The following SYT1 variants were observed in gnomAD, a reference collection of about 807,000 sequenced individuals.
SYT1 encodes the protein synaptotagmin-1.
Under a neutral mutation model 44.8 loss-of-function variants are expected in SYT1, and 8 were observed. The observed-to-expected ratio is 0.18, with a 90% CI of 0.10 to 0.32. The LOEUF (loss-of-function observed/expected upper bound fraction) is 0.32. Among genes scored for constraint, SYT1 ranks in the 10% least tolerant of loss-of-function variants. The pLI is 1.00. For synonymous variants in SYT1, 154 were observed against 188.8 expected (o/e 0.82, Z 1.51); for missense variants, 286 against 509.3 (o/e 0.56, Z 4.22).
chr12:78,999,506 C>A (rs1260200663), intron 2 of SYT1, among the ~76,000 whole-genome samples: 1 of 152,156 alleles, frequency 6.6e-6, no homozygotes, highest in South Asian at 2.1e-4. Context: ...ATTTATATCA[C>A]CTTTCCTTTT....
At chr12:78,973,496 A>G (rs1053835287) in intron 1 of SYT1, among the ~76,000 whole-genome samples, 9 of 152,266 alleles carry the variant, frequency 5.9e-5, no homozygotes, top group Non-Finnish European at 1.2e-4. Context: ...CAAGCCCATT[A>G]CTGGGTATAT....
At chr12:79,403,756 T>C (rs1885150199) in intron 9 of SYT1, among the ~76,000 whole-genome samples, 6 of 152,074 alleles carry the variant, frequency 3.9e-5, no homozygotes, top group Admixed American at 3.9e-4. Context: ...CCCAGAAGTA[T>C]CAGTATCATG....
chr12:79,450,230 A>ATTAC lies in SYT1; in HGVS notation c.*1109_*1112dup, dbSNP rs1262441199. On this transcript the variant is annotated 3_prime_UTR_variant, in exon 11 of 11. Transcript: ENST00000261205. ...CAACAATCTGTGCTTATTACACAAA[A>ATTAC]TTACTTTGTGGTAAACAGACAGTAT... 2.6e-5 allele frequency: 4 copies of ATTAC among 152,636 alleles called. No homozygotes were observed. Among genetic ancestry groups the ATTAC allele is most frequent in the African/African-American group, 9.7e-5 (4 of 41,450 alleles). The allele number at this position is 152,636 out of a possible 1,614,324, so 9.5% of individuals were successfully genotyped here.
At chr12:79,048,656 T>A (rs1174706277) in intron 3 of SYT1, among the ~76,000 whole-genome samples, 5 of 151,932 alleles carry the variant, frequency 3.3e-5, no homozygotes, top group Non-Finnish European at 7.4e-5. Flanking sequence ...CTCTTTGATT[T>A]AAAAAATTAA....
chr12:79,076,253 G>GTA (rs1400679487), intron 3 of SYT1, among the ~76,000 whole-genome samples: 1 of 152,026 alleles, frequency 6.6e-6, no homozygotes, highest in Non-Finnish European at 1.5e-5. Flanking sequence ...TTTTCTCTGG[G>GTA]TATAGCGAGG....
At position 79,004,998 on chromosome 12, in the gene SYT1, G is replaced by A. The variant is rs1592653071; in HGVS notation, c.-84+27067G>A. Among the ~76,000 whole-genome samples, 8 of 152,046 alleles carry A rather than the reference G, an allele frequency of 5.3e-5. No individual in the cohort carries two copies. The South Asian group carries it at 1.7e-3, about 32-fold the overall frequency. On this transcript the variant is annotated intron_variant, in intron 2 of 10. Transcript: ENST00000261205. ...TATGAAACCCCAGGGTTTCATAGAA[G>A]GTAACTTGAAAACCATAATAGATAG...
chr12:78,912,936 A>G (rs969550508), intron 1 of SYT1, among the ~76,000 whole-genome samples: 1 of 151,860 alleles, frequency 6.6e-6, no homozygotes, highest in African/African-American at 2.4e-5. Context: ...CATCTATTAG[A>G]TTTATTTACA....
intron 8 of SYT1, among the ~76,000 whole-genome samples, chr12:79,352,761 C>G (rs1452517368): frequency 1.3e-5 from 2 of 152,074 alleles, no homozygotes; most frequent in Non-Finnish European, 2.9e-5. Context: ...TTCAAAAATG[C>G]CTGAGTACAG....
In SYT1 at chr12:79,299,400, TG is replaced by T. The variant is rs750940231; in HGVS notation, c.662del (p.Gly221ValfsTer5). 1 of 1,613,236 alleles carries T rather than the reference TG, an allele frequency of 6.2e-7. No homozygotes were observed. ...TTAATTTAGGTACCATACTCGGAATTGGGTGGCAAAACCCTAGTGATGGCTG... is the reference window on the plus strand; with the variant it reads ...TTAATTTAGGTACCATACTCGGAATTGGTGGCAAAACCCTAGTGATGGCTG... The part of the protein sequence containing the change: ...QFTFKVPYSE[L>X]GGKTLVMAVY... On this transcript the variant is annotated frameshift_variant, in exon 8 of 11. Coordinates refer to ENST00000261205, the MANE Select transcript of SYT1 (RefSeq NM_005639.3). LOFTEE classifies it high-confidence loss of function.
chr12:78,943,113 T>C (rs1878469554), intron 1 of SYT1, among the ~76,000 whole-genome samples: 1 of 152,224 alleles, frequency 6.6e-6, no homozygotes, highest in Non-Finnish European at 1.5e-5. Context: ...CAATAATTTA[T>C]AAGGGGTTTC....
intron 2 of SYT1, among the ~76,000 whole-genome samples, chr12:79,017,439 C>G (rs1447007411): frequency 6.6e-6 from 1 of 151,990 alleles, no homozygotes; most frequent in African/African-American, 2.4e-5. Flanking sequence ...GAAAAATTAA[C>G]TAGGATAGTT....
intron 4 of SYT1, among the ~76,000 whole-genome samples, chr12:79,227,215 T>A (rs1875574059): frequency 1.3e-5 from 2 of 152,044 alleles, no homozygotes; most frequent in South Asian, 4.1e-4. Context: ...TTAATTTTTT[T>A]AAATTAAGGC....
At chr12:78,864,548 T>A (rs886089963), upstream of SYT1, 1 of 152,146 alleles carries the variant, frequency 6.6e-6, no homozygotes, top group African/African-American at 2.4e-5. Flanking sequence ...CCCAGGTCCC[T>A]GTCCGCTGTG....
rs549358101 is a variant in SYT1, at chr12:79,140,791, CTTG to C, written c.-17-76707_-17-76705del. On this transcript the variant is annotated intron_variant, in intron 3 of 10. Transcript: ENST00000261205. The stretch of plus-strand genomic sequence containing the variant: ...ACTGATTCCTTCACAATTTGAAGTT[CTTG>C]TTGTCTTAGGAAGAGAAGCCTATAG... Among the ~76,000 whole-genome samples, 6 of 152,266 alleles carry C rather than the reference CTTG, an allele frequency of 3.9e-5. No individual in the cohort carries two copies. The East Asian group carries it at 1.2e-3, about 29-fold the overall frequency.
chr12:79,053,568 G>A (rs1004111246), intron 3 of SYT1, among the ~76,000 whole-genome samples: 9 of 148,344 alleles, frequency 6.1e-5, no homozygotes, highest in Admixed American at 1.4e-4. Flanking sequence ...ATAAAATAAT[G>A]CATATTAACT....
At chr12:78,972,059 A>C (rs1475084342) in intron 1 of SYT1, among the ~76,000 whole-genome samples, 1 of 152,138 alleles carries the variant, frequency 6.6e-6, no homozygotes, top group Non-Finnish European at 1.5e-5. Context: ...TGTTTCTAAT[A>C]CAATTTGTAA....
At chr12:79,010,210 T>C (rs187394801) in intron 2 of SYT1, among the ~76,000 whole-genome samples, 67 of 152,230 alleles carry the variant, frequency 4.4e-4, no homozygotes, top group African/African-American at 1.6e-3. Flanking sequence ...CATGACAAGA[T>C]GAAAATTGGA....
chr12:79,342,227 G>A (rs1304905855), intron 8 of SYT1, among the ~76,000 whole-genome samples: 2 of 151,700 alleles, frequency 1.3e-5, no homozygotes, highest in Non-Finnish European at 2.9e-5. Context: ...TTAAGATTTG[G>A]TTTTTTGATG....
At chr12:78,976,328 A>C (rs1355402027) in intron 1 of SYT1, among the ~76,000 whole-genome samples, 1 of 152,208 alleles carries the variant, frequency 6.6e-6, no homozygotes, top group Admixed American at 6.5e-5. Context: ...GCTGGAGTCA[A>C]CTATTTCTTG....
Sources: gnomAD v4.1 joint callset for allele counts (sites outside exome capture counted in the v4.1 genomes callset) on GRCh38, gnomAD v4.1.1 for gene constraint, MANE v1.5 for transcripts, NCBI Gene and HGNC (gene_info 2026-07-23, HGNC 2026-07-21) for gene names.